Variants in SORCS2 observed in about 807,000 individuals in gnomAD.
The protein encoded by SORCS2 is VPS10 domain-containing receptor SorCS2.
In SORCS2, 100 loss-of-function variants were observed where a neutral mutation model predicts 141.6. The observed-to-expected ratio is 0.71, with a 90% CI of 0.60 to 0.83. The LOEUF is 0.83. Ranked by LOEUF, SORCS2 falls within the 40% of genes least tolerant of loss-of-function variation. The pLI, the probability that SORCS2 is intolerant of heterozygous loss-of-function variation, is 0.00. For missense variants in SORCS2, 1,646 were observed against 1,560.2 expected (o/e 1.05, Z -0.93); for synonymous variants, 789 against 676.9 (o/e 1.17, Z -2.57).
intron 2 of SORCS2, among the ~76,000 whole-genome samples, chr4:7,526,242 G>A (rs934228515): frequency 1.3e-5 from 2 of 152,370 alleles, no homozygotes; most frequent in Admixed American, 6.5e-5. Context: ...TTCAGAAGAC[G>A]CCCATCGCCT....
chr4:7,723,560 T>C (rs543694303), intron 18 of SORCS2, 137 bp from the exon 19 acceptor site: 172 of 955,878 alleles, frequency 1.8e-4, no homozygotes, highest in African/African-American at 1.8e-3. Context: ...CTCCTGTGGG[T>C]CCCCAGAGCC....
At chr4:7,703,613 G>C (rs920957154) in intron 13 of SORCS2, among the ~76,000 whole-genome samples, 3 of 152,122 alleles carry the variant, frequency 2.0e-5, no homozygotes, top group Non-Finnish European at 1.5e-5. Flanking sequence ...CCCCACCCCA[G>C]CCTGGGGAGC....
At chr4:7,738,290 C>T (rs563714295) in intron 26 of SORCS2, among the ~76,000 whole-genome samples, 19 of 152,338 alleles carry the variant, frequency 1.2e-4, no homozygotes, top group South Asian at 2.1e-4. Context: ...GGGCAAGTGC[C>T]GCCGGCAGCC....
chr4:7,739,720 G>A (rs1051603530), intron 26 of SORCS2, among the ~76,000 whole-genome samples: 2 of 152,064 alleles, frequency 1.3e-5, no homozygotes, highest in Non-Finnish European at 2.9e-5. Flanking sequence ...CTGGGTCCTC[G>A]ACCTGTCTCC....
chr4:7,416,526 ACACT>A (rs1479590318), intron 2 of SORCS2, among the ~76,000 whole-genome samples: 2 of 150,742 alleles, frequency 1.3e-5, no homozygotes, highest in South Asian at 2.1e-4. Flanking sequence ...CCATACTGAC[ACACT>A]CACACACGCC....
At chr4:7,408,763 C>G (rs1725130276) in intron 2 of SORCS2, among the ~76,000 whole-genome samples, 1 of 152,096 alleles carries the variant, frequency 6.6e-6, no homozygotes, top group Non-Finnish European at 1.5e-5. Flanking sequence ...AGGTAATTTT[C>G]TGTATTTTGC....
rs1444598413 is a variant in SORCS2, at chr4:7,664,099, A to T, written c.953-254A>T. Among the ~76,000 whole-genome samples, 2 of 152,102 alleles carry T rather than the reference A, an allele frequency of 1.3e-5. No individual in the cohort carries two copies. Among genetic ancestry groups the T allele is most frequent in the Non-Finnish European group, 2.9e-5 (2 of 68,014 alleles). ...CGTCGCCTGTGCTGACCCCTCCTGCAGGGGATGGCAGGCTCCAGAGTAGCA... is the reference window on the plus strand; with the variant it reads ...CGTCGCCTGTGCTGACCCCTCCTGCTGGGGATGGCAGGCTCCAGAGTAGCA... On this transcript the variant is annotated intron_variant, in intron 6 of 26. Coordinates refer to ENST00000507866, the MANE Select transcript of SORCS2 (RefSeq NM_020777.3). This position sits in a 1 kb window ranked among gnomAD's most constrained non-coding sequence, Gnocchi z 4.7.
chr4:7,196,849 C>T (rs1727201320), intron 1 of SORCS2, among the ~76,000 whole-genome samples: 1 of 152,162 alleles, frequency 6.6e-6, no homozygotes, highest in Admixed American at 6.5e-5. Flanking sequence ...AAACTTGTTT[C>T]TCTGAGTTAA....
chr4:7,595,953 C>G (rs770866295), intron 3 of SORCS2, among the ~76,000 whole-genome samples: 1 of 152,140 alleles, frequency 6.6e-6, no homozygotes, highest in African/African-American at 2.4e-5. Context: ...TGGGAACATG[C>G]CTGACAGCTG....
chr4:7,654,002 G>T (rs778946401), intron 4 of SORCS2, 132 bp from the exon 5 acceptor site: 1 of 833,408 alleles, frequency 1.2e-6, no homozygotes, highest in Middle Eastern at 2.3e-4. Context: ...TGAGCACAGC[G>T]CCTCCGCGTG....
rs893253225 is a variant in SORCS2 at position 7,325,510 on chromosome 4, C to T, written c.481-70778C>T. ...GGGGAAAACTGTTGGTCTCACACAG[C>T]TGCAGGGCACTCGGGGCTTTCACTG... On this transcript the variant is annotated intron_variant, in intron 1 of 26. Coordinates refer to ENST00000507866, the MANE Select transcript of SORCS2 (RefSeq NM_020777.3). Among the ~76,000 whole-genome samples the T allele has an allele frequency of 1.1e-4, 17 of 151,974 alleles. 1 individual carries two copies. The highest frequency in any genetic ancestry group is 4.1e-4 in the African/African-American group (17 of 41,366).
intron 1 of SORCS2, among the ~76,000 whole-genome samples, chr4:7,296,237 C>T (rs1461391185): frequency 6.6e-6 from 1 of 152,230 alleles, no homozygotes; most frequent in Non-Finnish European, 1.5e-5. Flanking sequence ...GAACCCCTGC[C>T]CCTGCCCTCA....
chr4:7,678,344 G>A (rs1046972085), intron 9 of SORCS2, among the ~76,000 whole-genome samples: 34 of 146,276 alleles, frequency 2.3e-4, no homozygotes, highest in East Asian at 1.0e-3. Context: ...GACACCCACC[G>A]TCCACCAGCT....
At chr4:7,674,895 A>G (rs921323478) in intron 8 of SORCS2, among the ~76,000 whole-genome samples, 8 of 151,666 alleles carry the variant, frequency 5.3e-5, no homozygotes, top group African/African-American at 1.9e-4. Flanking sequence ...CCACAGCTAC[A>G]CCGTAATTGG....
rs1427596791 is a variant in SORCS2, at chr4:7,254,803, A to G, written c.480+61677A>G. On this transcript the variant is annotated intron_variant, in intron 1 of 26. Coordinates refer to ENST00000507866, the MANE Select transcript of SORCS2 (RefSeq NM_020777.3). ...TCTGCATCAGGAGGATTCTAATAAC[A>G]GTGACTGTGCAGTGCTGTTGAGAGC... 3.3e-5 allele frequency among the ~76,000 whole-genome samples: 5 copies of G among 152,084 alleles called. No individual in the cohort carries two copies. In the East Asian group the frequency reaches 9.7e-4, roughly 29 times the overall value.
intron 5 of SORCS2, among the ~76,000 whole-genome samples, chr4:7,659,088 C>T (rs62290702): frequency 0.021 from 3,143 of 152,230 alleles, 48 homozygotes; most frequent in Non-Finnish European, 0.035. Context: ...TGACCAGCCA[C>T]CAAATCCAGG....
intron 3 of SORCS2, among the ~76,000 whole-genome samples, chr4:7,582,984 G>A (rs1355929695): frequency 2.0e-5 from 3 of 151,462 alleles, no homozygotes; most frequent in African/African-American, 7.3e-5. Context: ...CCTAGGACTT[G>A]GCACATAGTA....
At chr4:7,208,635 GGGCTT>G (rs1010490631) in intron 1 of SORCS2, among the ~76,000 whole-genome samples, 17 of 152,192 alleles carry the variant, frequency 1.1e-4, no homozygotes, top group Admixed American at 3.9e-4. Flanking sequence ...CGGGATGCCA[GGGCTT>G]GGCTTGGCTT....
At chr4:7,637,696 C>CATGA (rs1292869180) in intron 3 of SORCS2, among the ~76,000 whole-genome samples, 2 of 152,004 alleles carry the variant, frequency 1.3e-5, no homozygotes, top group South Asian at 4.2e-4. Flanking sequence ...CCCAGGCACT[C>CATGA]ATGAATGAAT....
Sources: gnomAD v4.1 joint callset for allele counts (sites outside exome capture counted in the v4.1 genomes callset) on GRCh38, gnomAD v4.1.1 for gene constraint, Gnocchi (gnomAD v3.1) non-coding constraint, MANE v1.5 for transcripts, NCBI Gene and HGNC (gene_info 2026-07-23, HGNC 2026-07-21) for gene names.